GPHN: variants seen among roughly 807,000 people sequenced by gnomAD.
The protein encoded by GPHN is gephyrin.
GPHN carries 17 observed loss-of-function variants against 95.5 expected under a neutral mutation model. That is an observed-to-expected ratio of 0.18 (90% CI 0.12 to 0.27). GPHN has a LOEUF of 0.27. GPHN is among the 10% of genes least tolerant of loss of function. GPHN has a pLI of 1.00. For missense variants in GPHN, 660 were observed against 978.1 expected, an observed-to-expected ratio of 0.67 and a Z score of 4.34; for synonymous variants, 320 against 322.5, an observed-to-expected ratio of 0.99 and a Z score of 0.08.
the GPHN span, chr14:67,350,794 G>A: frequency 1.8e-6 from 2 of 1,093,504 alleles, no homozygotes; most frequent in Non-Finnish European, 2.6e-6. Flanking sequence ...TATGCTGGCT[G>A]TGCATGTAAA....
At chr14:67,575,905 C>T in the GPHN span, 5 of 1,613,742 alleles carry the variant, frequency 3.1e-6, no homozygotes, top group African/African-American at 4.0e-5. Context: ...GACTATGAGG[C>T]TGGAGGAACC....
intron 1 of GPHN, among the ~76,000 whole-genome samples, chr14:66,647,379 G>A (rs573855565): frequency 1.3e-5 from 2 of 151,108 alleles, no homozygotes; most frequent in Non-Finnish European, 2.9e-5. Context: ...TCACAGTTAG[G>A]TGTGCTTCTT....
At chr14:66,673,598 G>T (rs994226778) in intron 1 of GPHN, among the ~76,000 whole-genome samples, 1 of 152,134 alleles carries the variant, frequency 6.6e-6, no homozygotes, top group African/African-American at 2.4e-5. Context: ...CATATACATT[G>T]TTGCTATTAT....
intron 2 of GPHN, among the ~76,000 whole-genome samples, chr14:66,708,214 C>CAA (rs148207182): frequency 2.6e-4 from 38 of 147,028 alleles, no homozygotes; most frequent in African/African-American, 6.1e-4. Flanking sequence ...CTAAAAACTT[C>CAA]AAAAAAAAAA....
rs1473258603 is a variant in GPHN at position 66,777,185 on chromosome 14, C to T, written c.201+664C>T. ...AAATACAAACTACCATCAGAGAATACTACAAACACCTCTACGCAAATAAAC... is the reference window on the plus strand; with the variant it reads ...AAATACAAACTACCATCAGAGAATATTACAAACACCTCTACGCAAATAAAC... On this transcript the variant is annotated intron_variant, in intron 3 of 22. Coordinates refer to ENST00000478722, the MANE Select transcript of GPHN (RefSeq NM_020806.5). Among the ~76,000 whole-genome samples the T allele has an allele frequency of 2.0e-5, 3 of 151,736 alleles. No homozygotes were observed. The East Asian group carries it at 5.8e-4, about 29-fold the overall frequency.
intron 2 of GPHN, among the ~76,000 whole-genome samples, chr14:66,748,913 A>G (rs550501142): frequency 1.9e-4 from 29 of 152,070 alleles, no homozygotes; most frequent in African/African-American, 7.0e-4. Context: ...GTTTTGGAGC[A>G]TTTCAGATTT....
the GPHN span, among the ~76,000 whole-genome samples, chr14:67,453,000 G>C: frequency 6.0e-4 from 91 of 152,264 alleles, no homozygotes; most frequent in African/African-American, 2.2e-3. Flanking sequence ...CTAGGGCATG[G>C]GGGTCTCCCT....
rs746695557 is a variant in GPHN at position 67,070,370 on chromosome 14, A to G, written c.1144+11584A>G. Among the ~76,000 whole-genome samples the G allele has an allele frequency of 4.8e-4, 71 of 148,600 alleles. 1 individual carries two copies. The Middle Eastern group carries it at 0.014, about 30-fold the overall frequency. On this transcript the variant is annotated intron_variant, in intron 11 of 22. Transcript: ENST00000478722. ...ACACACATATATATATAAAATCACA[A>G]CTTGTAACTAATCATGGTATCTTCA...
the GPHN span, chr14:67,573,943 A>G: frequency 3.1e-6 from 4 of 1,310,524 alleles, no homozygotes; most frequent in Admixed American, 6.7e-5. This position sits in a 1 kb window ranked among gnomAD's most constrained non-coding sequence, Gnocchi z 4.8. Flanking sequence ...GGGTTTGGAT[A>G]TGGCCGTGAG....
the GPHN span, among the ~76,000 whole-genome samples, chr14:67,628,853 T>G: frequency 6.6e-6 from 1 of 152,196 alleles, no homozygotes; most frequent in South Asian, 2.1e-4. Flanking sequence ...AATTACTATA[T>G]GATTTAGCAA....
At chr14:67,221,652 T>C in the GPHN span, 1 of 1,441,858 alleles carries the variant, frequency 6.9e-7, no homozygotes, top group Non-Finnish European at 9.4e-7. Flanking sequence ...CTAGGTTTGC[T>C]AAACGTGTTT....
chr14:67,059,161 G>A (rs1395261662), intron 11 of GPHN: 3 of 271,094 alleles, frequency 1.1e-5, no homozygotes, highest in African/African-American at 6.6e-5. Context: ...TCAGAAATGG[G>A]AGACAACTAA....
At chr14:66,702,779 T>A (rs2068683016) in intron 2 of GPHN, among the ~76,000 whole-genome samples, 1 of 151,934 alleles carries the variant, frequency 6.6e-6, no homozygotes. Context: ...GCAAGGAACC[T>A]GATAGAGGAT....
At chr14:67,438,324 G>C in the GPHN span, among the ~76,000 whole-genome samples, 1 of 152,204 alleles carries the variant, frequency 6.6e-6, no homozygotes, top group East Asian at 1.9e-4. Context: ...GCTGGTTTCA[G>C]CTCCCAGCTG....
chr14:67,549,852 G>C, the GPHN span, among the ~76,000 whole-genome samples: 1 of 152,234 alleles, frequency 6.6e-6, no homozygotes, highest in African/African-American at 2.4e-5. Context: ...TCTCTGACTT[G>C]CTAAAGAAAA....
At chr14:67,424,934 G>C in the GPHN span, among the ~76,000 whole-genome samples, 1,015 of 152,316 alleles carry the variant, frequency 6.7e-3, 7 homozygotes, top group Non-Finnish European at 0.01. Context: ...GCTGGTCCCT[G>C]GGAGGCAGGG....
chr14:67,273,282 C>T, the GPHN span, among the ~76,000 whole-genome samples: 1 of 151,794 alleles, frequency 6.6e-6, no homozygotes, highest in Non-Finnish European at 1.5e-5. Context: ...CCTCCCCAAC[C>T]CCACGACAGG....
the GPHN span, among the ~76,000 whole-genome samples, chr14:67,429,498 C>T: frequency 1.3e-5 from 2 of 149,990 alleles, no homozygotes; most frequent in South Asian, 2.2e-4. Context: ...TAAAGTGGCT[C>T]ATGGCCACAG....
intron 10 of GPHN, among the ~76,000 whole-genome samples, chr14:67,028,147 C>T (rs1325966351): frequency 6.6e-6 from 1 of 152,168 alleles, no homozygotes; most frequent in Non-Finnish European, 1.5e-5. Context: ...CTGTGCCTAT[C>T]TTACTTTCAC....
Sources: gnomAD v4.1 joint callset for allele counts (sites outside exome capture counted in the v4.1 genomes callset) on GRCh38, gnomAD v4.1.1 for gene constraint, Gnocchi (gnomAD v3.1) non-coding constraint, MANE v1.5 for transcripts, NCBI Gene and HGNC (gene_info 2026-07-23, HGNC 2026-07-21) for gene names.